Variants in WDR41 observed in about 807,000 individuals in gnomAD.
WDR41 encodes WD repeat-containing protein 41.
WDR41 carries 63 observed loss-of-function variants against 69.3 expected under a neutral mutation model. The observed-to-expected ratio is 0.91, with a 90% CI of 0.74 to 1.12. The LOEUF (loss-of-function observed/expected upper bound fraction) is 1.12. Ranked by LOEUF, WDR41 falls within the 50% of genes most tolerant of loss-of-function variation. The pLI is 0.00. For synonymous variants in WDR41, 185 were observed against 192.1 expected, an observed-to-expected ratio of 0.96 and a Z score of 0.31; for missense variants, 543 against 534.5, an observed-to-expected ratio of 1.02 and a Z score of -0.16.
intron 1 of WDR41, among the ~76,000 whole-genome samples, chr5:77,520,988 C>T (rs1802362036): frequency 6.6e-6 from 1 of 152,160 alleles, no homozygotes; most frequent in African/African-American, 2.4e-5. Context: ...TTCTCATCCT[C>T]GGCCCCTGAC....
At chr5:77,600,493 T>A (rs1462895966) in intron 1 of WDR41, among the ~76,000 whole-genome samples, 1 of 152,134 alleles carries the variant, frequency 6.6e-6, no homozygotes, top group African/African-American at 2.4e-5. Flanking sequence ...GATAAAAATA[T>A]CCTATATATT....
intron 1 of WDR41, among the ~76,000 whole-genome samples, chr5:77,563,440 T>C (rs1743561236): frequency 6.6e-6 from 1 of 152,136 alleles, no homozygotes; most frequent in Non-Finnish European, 1.5e-5. Context: ...AGAACAACCT[T>C]AGTGTGCCTC....
intron 1 of WDR41, among the ~76,000 whole-genome samples, chr5:77,551,161 A>G (rs1743288051): frequency 6.6e-6 from 1 of 152,198 alleles, no homozygotes; most frequent in African/African-American, 2.4e-5. Context: ...GCATCATGCT[A>G]TGTACTCACG....
chr5:77,489,416 C>T, intron 2 of WDR41, 41 bp downstream of exon 2: 1 of 1,306,056 alleles, frequency 7.7e-7, no homozygotes, highest in African/African-American at 1.5e-5. Context: ...CCTAAAACCT[C>T]TTCCCAAACA....
chr5:77,492,972 A>G (rs1801875411), upstream of WDR41, among the ~76,000 whole-genome samples: 1 of 152,228 alleles, frequency 6.6e-6, no homozygotes, highest in Non-Finnish European at 1.5e-5. Context: ...ATATTAACAT[A>G]GAATCTCCCT....
intron 2 of WDR41, among the ~76,000 whole-genome samples, chr5:77,468,263 T>C (rs997732393): frequency 6.6e-6 from 1 of 152,108 alleles, no homozygotes; most frequent in Non-Finnish European, 1.5e-5. Context: ...ACTATATAGA[T>C]GCTTAAACCT....
intron 1 of WDR41, among the ~76,000 whole-genome samples, chr5:77,590,955 T>G (rs900043994): frequency 6.6e-6 from 1 of 152,216 alleles, no homozygotes; most frequent in African/African-American, 2.4e-5. Flanking sequence ...ACCTAATGTT[T>G]GGAAATATTA....
At chr5:77,456,721 A>T (rs335600) in intron 5 of WDR41, among the ~76,000 whole-genome samples, 2 of 151,832 alleles carry the variant, frequency 1.3e-5, no homozygotes, top group South Asian at 2.1e-4. Flanking sequence ...ATTTTTTTTG[A>T]GACAGGGTCT....
chr5:77,505,261 T>C (rs1260362233), intron 1 of WDR41, among the ~76,000 whole-genome samples: 2 of 137,016 alleles, frequency 1.5e-5, no homozygotes, highest in East Asian at 3.9e-4. Flanking sequence ...AAATCATGAG[T>C]GAACGCCCAT....
intron 1 of WDR41, among the ~76,000 whole-genome samples, chr5:77,572,504 A>G (rs1743750854): frequency 1.3e-5 from 2 of 152,208 alleles, no homozygotes; most frequent in South Asian, 2.1e-4. Flanking sequence ...TTTAAACCCA[A>G]TTTGGAACTC....
At chr5:77,465,782 C>T (rs563869232) in intron 2 of WDR41, among the ~76,000 whole-genome samples, 2 of 150,952 alleles carry the variant, frequency 1.3e-5, no homozygotes, top group Admixed American at 1.3e-4. Flanking sequence ...CTATGAATGA[C>T]ATATAACTGG....
At chr5:77,608,701 T>C (rs943312391) in intron 1 of WDR41, among the ~76,000 whole-genome samples, 1 of 152,242 alleles carries the variant, frequency 6.6e-6, no homozygotes, top group Non-Finnish European at 1.5e-5. Flanking sequence ...GGAACGGCTC[T>C]GGTCTACAGC....
At chr5:77,614,238 C>A (rs1329527863) in intron 1 of WDR41, among the ~76,000 whole-genome samples, 1 of 148,410 alleles carries the variant, frequency 6.7e-6, no homozygotes, top group Non-Finnish European at 1.5e-5. Context: ...GTCAGTGTGG[C>A]GATTCCTCAG....
At position 77,551,401 on chromosome 5, in the gene WDR41, G is replaced by A. The variant is rs190496626; in HGVS notation, c.43-61829C>T. On this transcript the variant is annotated intron_variant, in intron 1 of 5. Transcript: ENST00000509971. ...TAGCATAAAATTTCCTTACTAGCTG[G>A]GTGTGGTGGCTCATGCCTGTAATCC... is the stretch of plus-strand genomic sequence containing the variant. 2.7e-3 allele frequency among the ~76,000 whole-genome samples: 412 copies of A among 152,304 alleles called. 1 individual carries two copies. The highest frequency in any genetic ancestry group is 4.5e-3 in the Non-Finnish European group (305 of 68,024).
rs768819850 is a variant in WDR41 at position 77,463,067 on chromosome 5, T to C, written c.348+28A>G. On this transcript the variant is annotated intron_variant, in intron 4 of 12. Transcript: ENST00000296679. ...AGTGGCTCCTTAGGCCACTACAGCT[T>C]GTTCATTTCTTCCAGATTAAAGGAT... 6 of 1,608,918 alleles carry C rather than the reference T, an allele frequency of 3.7e-6. No homozygotes were observed. In the Admixed American group the frequency reaches 1.0e-4, roughly 27 times the overall value.
At chr5:77,534,699 G>T (rs771779411) in intron 1 of WDR41, among the ~76,000 whole-genome samples, 1 of 130,482 alleles carries the variant, frequency 7.7e-6, no homozygotes, top group East Asian at 2.2e-4. Flanking sequence ...CTCCCAAAGT[G>T]CTGTGATTAC....
intron 1 of WDR41, among the ~76,000 whole-genome samples, chr5:77,618,880 T>G (rs1030362508): frequency 9.2e-5 from 14 of 152,258 alleles, no homozygotes; most frequent in African/African-American, 3.4e-4. Context: ...TAACGACGTT[T>G]TAGAAGAAAT....
At chr5:77,562,852 T>C (rs985626531) in intron 1 of WDR41, among the ~76,000 whole-genome samples, 2 of 152,210 alleles carry the variant, frequency 1.3e-5, no homozygotes, top group African/African-American at 4.8e-5. Flanking sequence ...AAATCCTATT[T>C]ATCCTTTAAG....
chr5:77,510,468 T>C (rs1206290038), intron 1 of WDR41, among the ~76,000 whole-genome samples: 6 of 152,100 alleles, frequency 3.9e-5, no homozygotes, highest in Non-Finnish European at 7.3e-5. Context: ...AATTAGGAAA[T>C]GAGTGCATTC....
Sources: allele counts gnomAD v4.1 joint callset (sites outside exome capture counted in the v4.1 genomes callset), GRCh38; gene constraint gnomAD v4.1.1; transcripts MANE v1.5; gene names NCBI Gene and HGNC (gene_info 2026-07-23, HGNC 2026-07-21).